Variants in MTMR12 observed in about 807,000 individuals in gnomAD.
The protein encoded by MTMR12 is myotubularin related protein 12.
A neutral mutation model predicts 96.7 loss-of-function variants in MTMR12; 33 were observed. The ratio of observed to expected loss-of-function variants is 0.34; its 90% CI spans 0.26 to 0.46. The LOEUF (loss-of-function observed/expected upper bound fraction) is 0.46. MTMR12 is among the 20% of genes least tolerant of loss of function. The probability of loss-of-function intolerance (pLI) is 1.00; values close to 1 mark genes in which losing one functional copy is unlikely to be tolerated. For synonymous variants in MTMR12, 298 were observed against 327.2 expected (o/e 0.91, Z 0.96); for missense variants, 721 against 896.1 (o/e 0.80, Z 2.49).
At chr5:32,306,920 G>A (rs1751386261) in intron 1 of MTMR12, among the ~76,000 whole-genome samples, 1 of 152,134 alleles carries the variant, frequency 6.6e-6, no homozygotes, top group South Asian at 2.1e-4. Context: ...TTTAGCCCTT[G>A]TACCCACAAA....
intron 8 of MTMR12, among the ~76,000 whole-genome samples, chr5:32,254,966 A>C (rs1749081774): frequency 6.6e-6 from 1 of 152,206 alleles, no homozygotes; most frequent in Admixed American, 6.5e-5. Context: ...CCTAGCACTG[A>C]AGAGATGTCC....
intron 7 of MTMR12, among the ~76,000 whole-genome samples, chr5:32,260,721 C>T (rs1749330594): frequency 7.2e-6 from 1 of 138,430 alleles, no homozygotes. Flanking sequence ...TGTGAAGGCA[C>T]TGCAGGGCGG....
At chr5:32,254,107 G>C (rs1749052070) in intron 8 of MTMR12, among the ~76,000 whole-genome samples, 2 of 152,176 alleles carry the variant, frequency 1.3e-5, no homozygotes, top group Admixed American at 1.3e-4. Flanking sequence ...TCTTCCCACA[G>C]AGCATATCCT....
chr5:32,235,244 T>C (rs1037956820), intron 13 of MTMR12, 115 bp from the exon 14 acceptor site: 5 of 923,052 alleles, frequency 5.4e-6, no homozygotes, highest in African/African-American at 1.7e-5. Flanking sequence ...GACTTCATTC[T>C]CTGGGAAACA....
intron 13 of MTMR12, among the ~76,000 whole-genome samples, chr5:32,236,552 C>T (rs1385354954): frequency 6.6e-6 from 1 of 150,704 alleles, no homozygotes; most frequent in Non-Finnish European, 1.5e-5. Flanking sequence ...GTCTCAAAAA[C>T]AAAACAAGGC....
At chr5:32,262,979 G>T in intron 7 of MTMR12, 134 bp downstream of exon 7, 1 of 1,175,574 alleles carries the variant, frequency 8.5e-7, no homozygotes, top group Non-Finnish European at 1.2e-6. Context: ...TGGGTATGGA[G>T]TTTCTTTTTG....
At chr5:32,266,988 G>A (rs142411826) in intron 6 of MTMR12, among the ~76,000 whole-genome samples, 1 of 152,012 alleles carries the variant, frequency 6.6e-6, no homozygotes, top group Admixed American at 6.6e-5. Context: ...GCTGAGGCAG[G>A]AGAATTGCTT....
intron 1 of MTMR12, among the ~76,000 whole-genome samples, chr5:32,286,096 C>G (rs1449653772): frequency 6.6e-6 from 1 of 152,266 alleles, no homozygotes; most frequent in East Asian, 1.9e-4. Flanking sequence ...TCCCAGCACT[C>G]TGGGAGGCCC....
intron 7 of MTMR12, among the ~76,000 whole-genome samples, chr5:32,259,459 C>G (rs947895154): frequency 1.3e-5 from 2 of 152,200 alleles, no homozygotes; most frequent in Non-Finnish European, 2.9e-5. Context: ...CCCAAACTGA[C>G]GCAGGTCCCC....
intron 5 of MTMR12, among the ~76,000 whole-genome samples, chr5:32,269,382 CA>C (rs1332126616): frequency 6.6e-6 from 1 of 151,926 alleles, no homozygotes; most frequent in Non-Finnish European, 1.5e-5. Context: ...TTGTTCATTG[CA>C]ACCTCCACCT....
chr5:32,254,975 C>T (rs1301260750), intron 8 of MTMR12, among the ~76,000 whole-genome samples: 3 of 152,192 alleles, frequency 2.0e-5, no homozygotes, highest in Non-Finnish European at 4.4e-5. Context: ...GAAGAGATGT[C>T]CCCCTAGACC....
chr5:32,288,897 C>G (rs907458637), intron 1 of MTMR12, among the ~76,000 whole-genome samples: 6 of 152,164 alleles, frequency 3.9e-5, no homozygotes, highest in Admixed American at 2.0e-4. Flanking sequence ...CTCATCCCAG[C>G]TGGGAGGGTC....
chr5:32,299,922 G>C (rs1253343644), intron 1 of MTMR12, among the ~76,000 whole-genome samples: 8 of 151,848 alleles, frequency 5.3e-5, no homozygotes. Flanking sequence ...CCGCTTTAAT[G>C]TCGACCTTTC....
In MTMR12 at chr5:32,243,470, CCT is replaced by C. The variant is rs532685288; in HGVS notation, c.1100+49_1100+50del. On this transcript the variant is annotated intron_variant, in intron 11 of 15. Coordinates refer to ENST00000382142, the MANE Select transcript of MTMR12 (RefSeq NM_001040446.3). ...ATTATTTGTCGGTTTGATCTACTAC[CCT>C]GAGTTATACAATTACAAAATTCATG... The C allele has an allele frequency of 3.2e-5, 42 of 1,315,664 alleles. No homozygotes were observed. The African/African-American group carries it at 5.8e-4, about 18-fold the overall frequency. 81.5% of individuals were successfully genotyped at this position (1,315,664 alleles called of 1,614,324 possible).
intron 1 of MTMR12, among the ~76,000 whole-genome samples, chr5:32,305,213 T>C (rs1470462254): frequency 1.3e-5 from 2 of 152,100 alleles, no homozygotes; most frequent in African/African-American, 4.8e-5. Flanking sequence ...CTCAGCCTCC[T>C]GAGTAGCTGG....
At chr5:32,301,852 T>G (rs1751157520) in intron 1 of MTMR12, among the ~76,000 whole-genome samples, 2 of 151,978 alleles carry the variant, frequency 1.3e-5, no homozygotes, top group South Asian at 4.1e-4. Flanking sequence ...CACTCCAGCC[T>G]GGGTGACAGA....
chr5:32,312,696 TCCCGGCGCCCCTCGC>T lies in MTMR12; in HGVS notation c.81+47_81+61del. ...GCGCTCCCCGCTGCAAGGAAGGGGCTCCCGGCGCCCCTCGCCCCGGCCGCCCCTGCCCGACGCCCC... is the reference window on the plus strand; with the variant it reads ...GCGCTCCCCGCTGCAAGGAAGGGGCTCCCGGCCGCCCCTGCCCGACGCCCC... On this transcript the variant is annotated intron_variant, in intron 1 of 15. Coordinates refer to ENST00000382142, the MANE Select transcript of MTMR12 (RefSeq NM_001040446.3). The surrounding 1 kb of genome is among the most constrained non-coding windows in gnomAD (Gnocchi z 5.0). 1 of 1,309,386 alleles carries T rather than the reference TCCCGGCGCCCCTCGC, an allele frequency of 7.6e-7. No individual in the cohort carries two copies. Among genetic ancestry groups the T allele is most frequent in the Non-Finnish European group, 9.8e-7 (1 of 1,016,588 alleles). The allele number at this position is 1,309,386 out of a possible 1,614,324, so 81.1% of individuals were successfully genotyped here. A position where few individuals can be genotyped will look rare whatever the true frequency, so the allele number is the denominator to read the frequency against.
intron 1 of MTMR12, among the ~76,000 whole-genome samples, chr5:32,282,672 A>T (rs1450238241): frequency 1.3e-5 from 2 of 152,126 alleles, no homozygotes; most frequent in Non-Finnish European, 2.9e-5. Context: ...ACTCCAAAAA[A>T]TCAGGGTATA....
rs1751645894 is a variant in MTMR12, at chr5:32,312,643, C to T, written c.81+115G>A. 8.0e-6 allele frequency: 8 copies of T among 999,582 alleles called. No homozygotes were observed. The highest frequency in any genetic ancestry group is 8.9e-6 in the Non-Finnish European group (7 of 784,712). 61.9% of individuals were successfully genotyped at this position (999,582 alleles called of 1,614,324 possible). A position where few individuals can be genotyped will look rare whatever the true frequency, so the allele number is the denominator to read the frequency against. On this transcript the variant is annotated intron_variant, in intron 1 of 15. Transcript: ENST00000382142. This position sits in a 1 kb window ranked among gnomAD's most constrained non-coding sequence, Gnocchi z 5.0. ...TCAGCCCGCCTGGCTGCCCCGTCGC[C>T]CGGCACAAGGGCAGGAAGCGCTCCG...
Sources: allele counts gnomAD v4.1 joint callset (sites outside exome capture counted in the v4.1 genomes callset), GRCh38; gene constraint gnomAD v4.1.1; non-coding constraint Gnocchi (gnomAD v3.1); transcripts MANE v1.5; gene names NCBI Gene and HGNC (gene_info 2026-07-23, HGNC 2026-07-21).